CLASP2: variants seen among roughly 807,000 people sequenced by gnomAD.
The protein encoded by CLASP2 is CLIP-associating protein 2.
A neutral mutation model predicts 194.4 loss-of-function variants in CLASP2; 47 were observed. The observed-to-expected ratio is 0.24, with a 90% CI of 0.19 to 0.31. The LOEUF is 0.31. Ranked by LOEUF, CLASP2 falls within the 10% of genes least tolerant of loss-of-function variation. The pLI, the probability that CLASP2 is intolerant of heterozygous loss-of-function variation, is 1.00. For missense variants in CLASP2, 1,445 were observed against 1,823.6 expected, an observed-to-expected ratio of 0.79 and a Z score of 3.78; for synonymous variants, 619 against 633.5, an observed-to-expected ratio of 0.98 and a Z score of 0.34.
At chr3:33,717,668 G>C in intron 1 of CLASP2, 140 bp downstream of exon 1, 1 of 891,814 alleles carries the variant, frequency 1.1e-6, no homozygotes, top group Admixed American at 2.5e-5. Flanking sequence ...CTCGTGATCC[G>C]CCCGCCTGTG....
Position 33,497,233 on chromosome 3 carries a change from T to C in CLASP2, c.*1398A>G, listed in dbSNP as rs2045912154. On this transcript the variant is annotated 3_prime_UTR_variant, in exon 39 of 39. Transcript: ENST00000682230. ...ACATATATTTCTACATTTTTTTCAG[T>C]TAAACAAAGTACAGATAACTCTGCA... 6.6e-6 allele frequency: 1 copy of C among 152,482 alleles called. No individual in the cohort carries two copies. The highest frequency in any genetic ancestry group is 2.4e-5 in the African/African-American group (1 of 41,428). The allele number at this position is 152,482 out of a possible 1,614,324, so 9.4% of individuals were successfully genotyped here. A position where few individuals can be genotyped will look rare whatever the true frequency, so the allele number is the denominator to read the frequency against.
Position 33,549,721 on chromosome 3 carries a change from T to A in CLASP2, c.3153+1531A>T, listed in dbSNP as rs114803426. 2.8e-3 allele frequency among the ~76,000 whole-genome samples: 430 copies of A among 151,632 alleles called. 1 individual carries two copies. The highest frequency in any genetic ancestry group is 9.9e-3 in the African/African-American group (410 of 41,430). The stretch of plus-strand genomic sequence containing the variant: ...CTGGAAATAAAGATCACAAAAAATG[T>A]ATATTCTGTGTACTTTTTTTCTTTT... On this transcript the variant is annotated intron_variant, in intron 30 of 38. Transcript: ENST00000682230.
rs73055604 is a variant in CLASP2, at chr3:33,590,617, C to A, written c.2068+1778G>T. On this transcript the variant is annotated intron_variant, in intron 21 of 38. Coordinates refer to ENST00000682230, the MANE Select transcript of CLASP2 (RefSeq NM_001365631.1). ...TAAAAGTTTTCCCATTCATAAATAACCCTCAAGTTGCAAACCAATTTACTT... is the reference window on the plus strand; with the variant it reads ...TAAAAGTTTTCCCATTCATAAATAAACCTCAAGTTGCAAACCAATTTACTT... 4.1e-3 allele frequency among the ~76,000 whole-genome samples: 630 copies of A among 152,222 alleles called. 1 individual carries two copies. The highest frequency in any genetic ancestry group is 0.01 in the Middle Eastern group (3 of 294).
intron 28 of CLASP2, 50 bp downstream of exon 28, chr3:33,560,758 T>C: frequency 6.6e-7 from 1 of 1,507,252 alleles, no homozygotes; most frequent in East Asian, 2.3e-5. Context: ...AGGGGTTAGA[T>C]ATTCCTAGTT....
intron 6 of CLASP2, among the ~76,000 whole-genome samples, chr3:33,667,836 T>C (rs962112742): frequency 2.0e-5 from 3 of 152,228 alleles, no homozygotes; most frequent in African/African-American, 7.2e-5. Context: ...TCCATCGATC[T>C]ATATCTAGTG....
At chr3:33,640,667 A>T (rs1395267149) in intron 8 of CLASP2, among the ~76,000 whole-genome samples, 1 of 152,164 alleles carries the variant, frequency 6.6e-6, no homozygotes, top group African/African-American at 2.4e-5. Context: ...TAGTTATTTT[A>T]AAAATGATAA....
In CLASP2 at chr3:33,510,650, C is replaced by T; in HGVS notation, c.4225G>A (p.Ala1409Thr). 6.2e-7 allele frequency: 1 copy of T among 1,613,782 alleles called. No individual in the cohort carries two copies. The highest frequency in any genetic ancestry group is 8.5e-7 in the Non-Finnish European group (1 of 1,179,832). The part of the protein sequence containing the change: ...IQTADYPINL[A>T]AIKMQTKVIE... Reference sequence around the variant, plus strand: ...ACTTTTGTTTGCATTTTGATTGCAGCCAGATTAATTGGGTAGTCTGCAGTT... The same window carrying T: ...ACTTTTGTTTGCATTTTGATTGCAGTCAGATTAATTGGGTAGTCTGCAGTT... The change falls in exon 37 of 39, where the codon GCT becomes ACT. Residue 1409 changes from alanine to threonine, a missense_variant. Coordinates refer to ENST00000682230, the MANE Select transcript of CLASP2 (RefSeq NM_001365631.1).
chr3:33,697,010 T>C (rs1229327309), intron 1 of CLASP2, 77 bp from the exon 2 acceptor site: 3 of 791,990 alleles, frequency 3.8e-6, no homozygotes, highest in African/African-American at 1.8e-5. Context: ...TTTTGACATA[T>C]AAAAGATCTT....
At chr3:33,528,060 C>T (rs1462754777) in intron 34 of CLASP2, among the ~76,000 whole-genome samples, 2 of 152,122 alleles carry the variant, frequency 1.3e-5, no homozygotes, top group African/African-American at 2.4e-5. Flanking sequence ...ACTGGCAAAC[C>T]GAATCCAGCA....
chr3:33,570,508 C>T (rs375696220), intron 26 of CLASP2, among the ~76,000 whole-genome samples: 72 of 152,230 alleles, frequency 4.7e-4, no homozygotes, highest in African/African-American at 1.7e-3. Context: ...AACTGTATCC[C>T]CTTTATTTCA....
chr3:33,629,573 A>G (rs185876187), intron 9 of CLASP2, among the ~76,000 whole-genome samples: 72 of 152,316 alleles, frequency 4.7e-4, no homozygotes, highest in African/African-American at 1.6e-3. Flanking sequence ...TCTGATAGCT[A>G]TATTAAGCAG....
chr3:33,701,953 A>G (rs960211978), intron 1 of CLASP2, among the ~76,000 whole-genome samples: 7 of 152,176 alleles, frequency 4.6e-5, no homozygotes, highest in Admixed American at 6.5e-5. Flanking sequence ...AGAAAAAAAC[A>G]TAAAAGATTC....
intron 34 of CLASP2, among the ~76,000 whole-genome samples, chr3:33,526,395 T>C (rs2154118771): frequency 6.6e-6 from 1 of 152,286 alleles, no homozygotes; most frequent in Non-Finnish European, 1.5e-5. Context: ...GGACATTACA[T>C]AATGGAAAAG....
In CLASP2 at chr3:33,497,157, G is replaced by A. The variant is rs919970300; in HGVS notation, c.*1474C>T. The A allele has an allele frequency of 1.3e-5, 2 of 152,482 alleles. No homozygotes were observed. The highest frequency in any genetic ancestry group is 1.3e-4 in the Admixed American group (2 of 15,264). The allele number at this position is 152,482 out of a possible 1,614,324, so 9.4% of individuals were successfully genotyped here. On this transcript the variant is annotated 3_prime_UTR_variant, in exon 39 of 39. Transcript: ENST00000682230. ...TCCTGCTGCTAGAACAGAAAGAAAG[G>A]GGAAAGCCTATGACAAATCATCCAT...
chr3:33,641,495 A>G (rs1049496195), intron 8 of CLASP2, among the ~76,000 whole-genome samples: 5 of 151,960 alleles, frequency 3.3e-5, no homozygotes, highest in Non-Finnish European at 7.4e-5. Flanking sequence ...CTTTTTTTCA[A>G]GTCTCCTTGG....
In CLASP2 at chr3:33,564,135, TAA is replaced by T. The variant is rs1457240947; in HGVS notation, c.2766+2595_2766+2596del. On this transcript the variant is annotated intron_variant, in intron 27 of 38. Transcript: ENST00000682230. ...ATCTCTAACACATACCATTTGAAAA[TAA>T]AGACTATATTTTTATACAGTCTTGT... Among the ~76,000 whole-genome samples, 7 of 152,276 alleles carry T rather than the reference TAA, an allele frequency of 4.6e-5. No homozygotes were observed. The South Asian group carries it at 6.2e-4, about 14-fold the overall frequency.
rs1476933099 is a variant in CLASP2, at chr3:33,525,108, A to C, written c.3788-7934T>G. ...CCACCACATGATGAAGTTACAAATCAGTAACAGAAGTAAAACTGGAAAATT... is the reference window on the plus strand; with the variant it reads ...CCACCACATGATGAAGTTACAAATCCGTAACAGAAGTAAAACTGGAAAATT... On this transcript the variant is annotated intron_variant, in intron 34 of 38. Coordinates refer to ENST00000682230, the MANE Select transcript of CLASP2 (RefSeq NM_001365631.1). Among the ~76,000 whole-genome samples the C allele has an allele frequency of 2.0e-5, 3 of 152,246 alleles. No homozygotes were observed. The East Asian group carries it at 5.8e-4, about 29-fold the overall frequency.
At chr3:33,633,713 G>T (rs2154295280) in intron 8 of CLASP2, among the ~76,000 whole-genome samples, 1 of 152,126 alleles carries the variant, frequency 6.6e-6, no homozygotes, top group Non-Finnish European at 1.5e-5. Flanking sequence ...ATGAACTTGG[G>T]GGTGGGGGGA....
At chr3:33,511,720 A>ATAGGTGAAAAATGCTTAGAAAGGT (rs1363763551) in intron 36 of CLASP2, among the ~76,000 whole-genome samples, 2 of 70,848 alleles carry the variant, frequency 2.8e-5, no homozygotes, top group African/African-American at 5.1e-5. Flanking sequence ...AAATAAAACA[A>ATAGGTGAAAAATGCTTAGAAAGGT]ACAACCCCAT....
Sources: gnomAD v4.1 joint callset for allele counts (sites outside exome capture counted in the v4.1 genomes callset) on GRCh38, gnomAD v4.1.1 for gene constraint, MANE v1.5 for transcripts, NCBI Gene and HGNC (gene_info 2026-07-23, HGNC 2026-07-21) for gene names.